Variants in VPS33B observed in about 807,000 individuals in gnomAD.
VPS33B encodes VPS33B late endosome and lysosome associated.
Under a neutral mutation model 95.3 loss-of-function variants are expected in VPS33B, and 80 were observed. The observed-to-expected ratio is 0.84, with a 90% CI of 0.70 to 1.01. The LOEUF (loss-of-function observed/expected upper bound fraction) is 1.01, where lower values mean the gene tolerates loss of function less well. Among genes scored for constraint, VPS33B ranks in the 50% least tolerant of loss-of-function variants. The probability of loss-of-function intolerance (pLI) is 0.00; values close to 1 mark genes in which losing one functional copy is unlikely to be tolerated. For missense variants in VPS33B, 715 were observed against 773.4 expected (o/e 0.92, Z 0.90); for synonymous variants, 280 against 280.4 (o/e 1.00, Z 0.01).
chr15:91,017,660 G>T, intron 2 of VPS33B, 145 bp downstream of exon 2: 9 of 770,996 alleles, frequency 1.2e-5, no homozygotes, highest in Non-Finnish European at 1.3e-5. Flanking sequence ...AAAAAAATAC[G>T]AACAGCATCA....
chr15:91,021,885 T>C (rs1193547157), intron 1 of VPS33B, among the ~76,000 whole-genome samples: 1 of 152,204 alleles, frequency 6.6e-6, no homozygotes, highest in East Asian at 1.9e-4. Context: ...GGCAAAGATG[T>C]CTTAACCATC....
rs1412854777 is a variant in VPS33B, at chr15:91,022,143, C to T, written c.96+11G>A. The T allele has an allele frequency of 1.9e-6, 3 of 1,556,810 alleles. No homozygotes were observed. The highest frequency in any genetic ancestry group is 1.7e-4 in the Middle Eastern group (1 of 5,996). ...CTGTAGATGCGATAAAGGCGTCAGG[C>T]AAGCACTGACCTGCTCCAGCAGATA... On this transcript the variant is annotated intron_variant, in intron 1 of 22. Coordinates refer to ENST00000333371, the MANE Select transcript of VPS33B (RefSeq NM_018668.5).
chr15:91,020,025 G>A (rs1046513798), intron 1 of VPS33B, among the ~76,000 whole-genome samples: 1 of 151,964 alleles, frequency 6.6e-6, no homozygotes, highest in Non-Finnish European at 1.5e-5. Flanking sequence ...GGCTGGTCTC[G>A]AACTCCCAAC....
In VPS33B at chr15:91,017,368, ATATATATATATATATATATATAT is replaced by A. The variant is rs1285457130; in HGVS notation, c.178-367_178-345del. Reference sequence around the variant, plus strand: ...CAAGACTCCATCTCTACAAAATTAAATATATATATATATATATATATATATATATATATATATATATATATATA... The same window carrying A: ...CAAGACTCCATCTCTACAAAATTAAAATATATATATATATATATATATATA... On this transcript the variant is annotated intron_variant, in intron 2 of 22. Transcript: ENST00000333371. Among the ~76,000 whole-genome samples the A allele has an allele frequency of 1.4e-4, 5 of 35,254 alleles. 1 individual carries two copies. Among genetic ancestry groups the A allele is most frequent in the Admixed American group, 6.3e-4 (2 of 3,180 alleles). 23.1% of individuals were successfully genotyped at this position (35,254 alleles called of 152,430 possible). A position where few individuals can be genotyped will look rare whatever the true frequency, so the allele number is the denominator to read the frequency against.
At position 91,006,705 on chromosome 15, in the gene VPS33B, C is replaced by A; in HGVS notation, c.725G>T (p.Cys242Phe). The change falls in exon 10 of 23, where the codon TGC becomes TTC. Residue 242 changes from cysteine (C) to phenylalanine (F), a missense_variant. Coordinates refer to ENST00000333371, the MANE Select transcript of VPS33B (RefSeq NM_018668.5). This position sits in a 1 kb window ranked among gnomAD's most constrained non-coding sequence, Gnocchi z 5.4. ...DRDVDFVTALCSQVVYEGLVD... is the reference protein window; with the variant it reads ...DRDVDFVTALFSQVVYEGLVD... ...TAGGCCCTCATAAACCACTTGGGAG[C>A]AAAGTGCTGTCACAAAGTCCACATC... The A allele has an allele frequency of 6.2e-7, 1 of 1,614,180 alleles. No individual in the cohort carries two copies. Among genetic ancestry groups the A allele is most frequent in the Non-Finnish European group, 8.5e-7 (1 of 1,180,026 alleles).
rs73502797 is a variant in VPS33B, at chr15:91,005,319, G to A, written c.1105+61C>T. On this transcript the variant is annotated intron_variant, in intron 14 of 22. Coordinates refer to ENST00000333371, the MANE Select transcript of VPS33B (RefSeq NM_018668.5). The surrounding 1 kb of genome is among the most constrained non-coding windows in gnomAD (Gnocchi z 6.4). ...AGAGAACATCTTTTAAGGGTGGGAC[G>A]GGGCTGGGAGCTGGGGAAGTAGAAG... 3,037 of 1,613,946 alleles carry A rather than the reference G, an allele frequency of 1.9e-3. 50 individuals are homozygous for A. In the African/African-American group the frequency reaches 0.036, roughly 19 times the overall value.
At position 91,009,722 on chromosome 15, in the gene VPS33B, T is replaced by TG. The variant is rs934917166; in HGVS notation, c.403+78dup. ...GAAGGAGCTGGTGGTGGGGGTGGGGTGGGGGGGTTGGAGAACAACAACAGT... is the reference window on the plus strand; with the variant it reads ...GAAGGAGCTGGTGGTGGGGGTGGGGTGGGGGGGGTTGGAGAACAACAACAGT... On this transcript the variant is annotated intron_variant, in intron 6 of 22. Coordinates refer to ENST00000333371, the MANE Select transcript of VPS33B (RefSeq NM_018668.5). This position sits in a 1 kb window ranked among gnomAD's most constrained non-coding sequence, Gnocchi z 4.1. 228 of 989,820 alleles carry TG rather than the reference T, an allele frequency of 2.3e-4. 1 individual carries two copies. The African/African-American group carries it at 4.4e-3, about 19-fold the overall frequency. The allele number at this position is 989,820 out of a possible 1,614,324, so 61.3% of individuals were successfully genotyped here.
Position 91,010,248 on chromosome 15 carries a change from G to A in VPS33B, c.358-402C>T, listed in dbSNP as rs2040744090. ...TGAGTTCTGTTTAGGACATGCCCAC[G>A]GGACCTTGGGAGACACAGACAAGGA... On this transcript the variant is annotated intron_variant, in intron 5 of 22. Coordinates refer to ENST00000333371, the MANE Select transcript of VPS33B (RefSeq NM_018668.5). The surrounding 1 kb of genome is among the most constrained non-coding windows in gnomAD (Gnocchi z 5.7). Among the ~76,000 whole-genome samples the A allele has an allele frequency of 6.6e-6, 1 of 152,158 alleles. No homozygotes were observed. Among genetic ancestry groups the A allele is most frequent in the Non-Finnish European group, 1.5e-5 (1 of 68,030 alleles).
chr15:91,015,096 G>A lies in VPS33B; in HGVS notation c.240-663C>T, dbSNP rs2040885381. ...CACACCTGTAATCCCAGCACTTTGG[G>A]AGGCAGAGGCGGGTGGATCACCTGA... On this transcript the variant is annotated intron_variant, in intron 3 of 22. Transcript: ENST00000333371. The surrounding 1 kb of genome is among the most constrained non-coding windows in gnomAD (Gnocchi z 4.7). Among the ~76,000 whole-genome samples the A allele has an allele frequency of 6.6e-6, 1 of 152,112 alleles. No individual in the cohort carries two copies. Among genetic ancestry groups the A allele is most frequent in the East Asian group, 1.9e-4 (1 of 5,174 alleles).
chr15:91,020,460 G>C (rs2041070692), intron 1 of VPS33B, among the ~76,000 whole-genome samples: 4 of 152,210 alleles, frequency 2.6e-5, no homozygotes, highest in Admixed American at 2.0e-4. Flanking sequence ...GTGGGCTCAA[G>C]TTTCTCTTCT....
chr15:91,005,851 T>C lies in VPS33B; in HGVS notation c.940-67A>G. ...ACGAGAAACCACCACCCTCCCTCAG[T>C]TGCCATCCATCCATGAGAAAGGACA... On this transcript the variant is annotated intron_variant, in intron 12 of 22. Coordinates refer to ENST00000333371, the MANE Select transcript of VPS33B (RefSeq NM_018668.5). This position sits in a 1 kb window ranked among gnomAD's most constrained non-coding sequence, Gnocchi z 6.4. 1 of 1,609,652 alleles carries C rather than the reference T, an allele frequency of 6.2e-7. No homozygotes were observed. Among genetic ancestry groups the C allele is most frequent in the Admixed American group, 1.7e-5 (1 of 59,878 alleles).
chr15:91,005,224 G>A lies in VPS33B; in HGVS notation c.1106-105C>T. On this transcript the variant is annotated intron_variant, in intron 14 of 22. Transcript: ENST00000333371. This position sits in a 1 kb window ranked among gnomAD's most constrained non-coding sequence, Gnocchi z 6.4. ...CATCTCTTTCTCCATCCTTGGGGTG[G>A]GTTAAGGGACCCCCAGGACTTCTAG... is the stretch of plus-strand genomic sequence containing the variant. 1 of 1,611,740 alleles carries A rather than the reference G, an allele frequency of 6.2e-7. No homozygotes were observed. Among genetic ancestry groups the A allele is most frequent in the Non-Finnish European group, 8.5e-7 (1 of 1,179,516 alleles).
At chr15:91,016,914 A>G in intron 3 of VPS33B, 49 bp downstream of exon 3, 2 of 1,582,002 alleles carry the variant, frequency 1.3e-6, no homozygotes, top group South Asian at 1.1e-5. Flanking sequence ...ACGTGCCCCT[A>G]GGGACCTCTT....
chr15:90,999,857 C>G lies in VPS33B; in HGVS notation c.1657+43G>C, dbSNP rs182422176. The G allele has an allele frequency of 1.9e-5, 30 of 1,613,744 alleles. No homozygotes were observed. In the East Asian group the frequency reaches 6.2e-4, roughly 34 times the overall value. On this transcript the variant is annotated intron_variant, in intron 21 of 22. Coordinates refer to ENST00000333371, the MANE Select transcript of VPS33B (RefSeq NM_018668.5). This position sits in a 1 kb window ranked among gnomAD's most constrained non-coding sequence, Gnocchi z 5.1. The stretch of plus-strand genomic sequence containing the variant: ...GCTAGTCCTGAGTGGTGCATCCAGC[C>G]CACCTCTCACTGCCAGCCTACCCCA...
rs376948701 is a variant in VPS33B, at chr15:90,999,969, C to G, written c.1588G>C (p.Glu530Gln). ...TCAAGGCCCTGCCAGCTTCGCCGCT[C>G]TAGCACCTGGGAAGGTGTAAGCACT... ...LSCRIIEQVL[E>Q]RRSWQGLDEV... The change falls in exon 21 of 23, where the codon GAG (glutamate) becomes CAG (glutamine). Residue 530 changes from glutamate to glutamine, a missense_variant. Coordinates refer to ENST00000333371, the MANE Select transcript of VPS33B (RefSeq NM_018668.5). The surrounding 1 kb of genome is among the most constrained non-coding windows in gnomAD (Gnocchi z 5.1). 4 of 1,614,200 alleles carry G rather than the reference C, an allele frequency of 2.5e-6. No individual in the cohort carries two copies. In the African/African-American group the frequency reaches 4.0e-5, roughly 16 times the overall value.
Position 91,002,075 on chromosome 15 carries a change from G to A in VPS33B, c.1380C>T (p.Ser460=). The A allele has an allele frequency of 6.2e-7, 1 of 1,614,108 alleles. No individual in the cohort carries two copies. Among genetic ancestry groups the A allele is most frequent in the South Asian group, 1.1e-5 (1 of 91,074 alleles). Residue 460 remains serine (S), a synonymous_variant, in exon 18 of 23, where the codon AGC becomes AGT. Transcript: ENST00000333371. This position sits in a 1 kb window ranked among gnomAD's most constrained non-coding sequence, Gnocchi z 4.7. The stretch of plus-strand genomic sequence containing the variant: ...CTGCAGCCTTGTCGGTCACCAGCTT[G>A]CTCACTTTACTCTCCACGGCTGTGA... The part of the protein sequence containing the change: ...DTLTAVESKV[S]KLVTDKAAGK...
At chr15:91,017,367 AAT>A (rs1159663715) in intron 2 of VPS33B, among the ~76,000 whole-genome samples, 256 of 15,776 alleles carry the variant, frequency 0.016, no homozygotes, top group East Asian at 0.028. Context: ...TACAAAATTA[AAT>A]ATATATATAT....
intron 6 of VPS33B, among the ~76,000 whole-genome samples, chr15:91,008,773 C>T (rs6496749): frequency 0.24 from 36,941 of 151,958 alleles, 5,427 homozygotes; most frequent in African/African-American, 0.41. Flanking sequence ...GCTGTGAGCA[C>T]ATATATTAAA....
chr15:91,018,363 T>G lies in VPS33B; in HGVS notation c.97-478A>C, dbSNP rs539056156. ...AGTCCTCACCCCATCACCCTTCCAC[T>G]CCCCCACCCCACAATCCCTGTCATA... On this transcript the variant is annotated intron_variant, in intron 1 of 22. Transcript: ENST00000333371. The surrounding 1 kb of genome is among the most constrained non-coding windows in gnomAD (Gnocchi z 4.7). Among the ~76,000 whole-genome samples, 148 of 151,754 alleles carry G rather than the reference T, an allele frequency of 9.8e-4. 1 individual carries two copies. The highest frequency in any genetic ancestry group is 3.5e-3 in the African/African-American group (144 of 41,354).
Sources: gnomAD v4.1 joint callset for allele counts (sites outside exome capture counted in the v4.1 genomes callset) on GRCh38, gnomAD v4.1.1 for gene constraint, Gnocchi (gnomAD v3.1) non-coding constraint, MANE v1.5 for transcripts, NCBI Gene and HGNC (gene_info 2026-07-23, HGNC 2026-07-21) for gene names.